YAF2: variants seen among roughly 807,000 people sequenced by gnomAD.
YAF2 encodes YY1 associated factor 2.
YAF2 carries 7 observed loss-of-function variants against 20.1 expected under a neutral mutation model. The observed-to-expected ratio is 0.35, with a 90% CI of 0.20 to 0.65. The LOEUF is 0.65. Among genes scored for constraint, YAF2 ranks in the 30% least tolerant of loss-of-function variants. The pLI is 0.69. For missense variants in YAF2, 151 were observed against 219.2 expected (o/e 0.69, Z 1.96); for synonymous variants, 74 against 76.0 (o/e 0.97, Z 0.14).
chr12:42,192,030 A>G (rs2066625420), intron 2 of YAF2, among the ~76,000 whole-genome samples: 1 of 151,982 alleles, frequency 6.6e-6, no homozygotes, highest in Non-Finnish European at 1.5e-5. Flanking sequence ...CAACAGAGCA[A>G]GACTCCATCT....
chr12:42,160,904 G>A (rs2065785433), intron 3 of YAF2, 78 bp from the exon 4 acceptor site: 2 of 1,294,838 alleles, frequency 1.5e-6, no homozygotes, highest in Admixed American at 2.4e-5. Context: ...TAATAAAAGT[G>A]GTAAAAGTAA....
intron 2 of YAF2, among the ~76,000 whole-genome samples, chr12:42,194,999 C>A (rs1421631861): frequency 2.0e-5 from 3 of 152,112 alleles, no homozygotes; most frequent in Admixed American, 6.5e-5. Flanking sequence ...CTTCTAAACT[C>A]CAATATTAGT....
intron 2 of YAF2, among the ~76,000 whole-genome samples, chr12:42,203,729 CT>C (rs2066963087): frequency 6.6e-6 from 1 of 152,024 alleles, no homozygotes; most frequent in Non-Finnish European, 1.5e-5. Flanking sequence ...ATTTTTATGT[CT>C]GTGTTCATAA....
intron 2 of YAF2, among the ~76,000 whole-genome samples, chr12:42,218,917 G>T (rs2067438294): frequency 1.3e-5 from 2 of 152,014 alleles, no homozygotes; most frequent in South Asian, 4.2e-4. Context: ...GGGCTTTCAA[G>T]AAAGAAAGCT....
At chr12:42,179,139 C>CT (rs1489431193) in intron 2 of YAF2, among the ~76,000 whole-genome samples, 5 of 152,302 alleles carry the variant, frequency 3.3e-5, no homozygotes, top group Non-Finnish European at 7.3e-5. Flanking sequence ...CCAGTATCCT[C>CT]TTATTTGTTT....
chr12:42,221,561 T>TA (rs201340047), intron 2 of YAF2, among the ~76,000 whole-genome samples: 3 of 152,072 alleles, frequency 2.0e-5, no homozygotes, highest in African/African-American at 7.2e-5. Context: ...TCTATCTCTT[T>TA]AAAAAAAATT....
At chr12:42,177,984 C>T (rs1020618385) in intron 2 of YAF2, among the ~76,000 whole-genome samples, 8 of 152,078 alleles carry the variant, frequency 5.3e-5, no homozygotes. Context: ...CTGTTTTCCT[C>T]TACCAGAATA....
At chr12:42,208,005 C>A (rs2067101821) in intron 2 of YAF2, among the ~76,000 whole-genome samples, 1 of 152,092 alleles carries the variant, frequency 6.6e-6, no homozygotes, top group Admixed American at 6.5e-5. Flanking sequence ...TAATATAAAC[C>A]ATAAAATCCT....
At chr12:42,226,570 G>C (rs1339959459) in intron 2 of YAF2, among the ~76,000 whole-genome samples, 3 of 152,150 alleles carry the variant, frequency 2.0e-5, no homozygotes, top group African/African-American at 2.4e-5. Context: ...AGGCTAAGGT[G>C]GGGGGACCAC....
Position 42,199,283 on chromosome 12 carries a change from A to G in YAF2, c.153-37518T>C, listed in dbSNP as rs180956937. 6 of 1,082,632 alleles carry G rather than the reference A, an allele frequency of 5.5e-6. No homozygotes were observed. The African/African-American group carries it at 9.9e-5, about 18-fold the overall frequency. 67.1% of individuals were successfully genotyped at this position (1,082,632 alleles called of 1,614,324 possible). Reference sequence around the variant, plus strand: ...AGAAAGAAACACTATGTACACATGGAACAGAATTTGACCAATAGTTTAAAT... The same window carrying G: ...AGAAAGAAACACTATGTACACATGGGACAGAATTTGACCAATAGTTTAAAT... On this transcript the variant is annotated intron_variant, in intron 2 of 3. Coordinates refer to ENST00000534854, the MANE Select transcript of YAF2 (RefSeq NM_005748.6).
intron 2 of YAF2, chr12:42,172,132 G>A (rs1290514747): frequency 2.0e-5 from 3 of 152,132 alleles, no homozygotes; most frequent in Non-Finnish European, 4.4e-5. Context: ...ACACAGTTAA[G>A]TACTTACAAA....
intron 2 of YAF2, among the ~76,000 whole-genome samples, chr12:42,184,082 T>C (rs1051745588): frequency 6.6e-6 from 1 of 152,252 alleles, no homozygotes; most frequent in African/African-American, 2.4e-5. Context: ...AGCTCACCGT[T>C]AAGACCTGAA....
intron 1 of YAF2, among the ~76,000 whole-genome samples, 185 bp downstream of exon 1, chr12:42,237,970 C>A (rs1249892279): frequency 6.7e-6 from 1 of 149,096 alleles, no homozygotes; most frequent in Non-Finnish European, 1.5e-5. Context: ...CGGTCGCCGC[C>A]GCCATCGCGG....
At chr12:42,195,462 T>C (rs1280752499) in intron 2 of YAF2, among the ~76,000 whole-genome samples, 1 of 152,186 alleles carries the variant, frequency 6.6e-6, no homozygotes, top group Admixed American at 6.5e-5. Flanking sequence ...AAGTAGATAC[T>C]GAAACAGGCC....
intron 2 of YAF2, chr12:42,231,819 C>T (rs2067992494): frequency 6.6e-6 from 1 of 152,192 alleles, no homozygotes; most frequent in South Asian, 2.1e-4. Flanking sequence ...TTCTAATTTT[C>T]ACTTGAATGA....
At chr12:42,217,540 A>T (rs1185200756) in intron 2 of YAF2, among the ~76,000 whole-genome samples, 1 of 152,208 alleles carries the variant, frequency 6.6e-6, no homozygotes, top group Non-Finnish European at 1.5e-5. Flanking sequence ...CATTTTTATC[A>T]GTACCTACAC....
intron 2 of YAF2, among the ~76,000 whole-genome samples, chr12:42,188,110 A>C (rs1272359517): frequency 1.3e-5 from 2 of 152,212 alleles, no homozygotes; most frequent in African/African-American, 2.4e-5. Flanking sequence ...ACTATGAGAA[A>C]ATAAATGTTT....
At chr12:42,234,813 C>T (rs1168425922) in intron 2 of YAF2, 1 of 769,466 alleles carries the variant, frequency 1.3e-6, no homozygotes, top group Non-Finnish European at 1.6e-6. Context: ...CATAGAGATC[C>T]CCCATCTCTA....
At chr12:42,215,633 C>T (rs2067331029) in intron 2 of YAF2, among the ~76,000 whole-genome samples, 1 of 151,940 alleles carries the variant, frequency 6.6e-6, no homozygotes, top group African/African-American at 2.4e-5. Flanking sequence ...TCAAAGCTAC[C>T]ATACAGTGGC....
Sources: gnomAD v4.1 joint callset for allele counts (sites outside exome capture counted in the v4.1 genomes callset) on GRCh38, gnomAD v4.1.1 for gene constraint, MANE v1.5 for transcripts, NCBI Gene and HGNC (gene_info 2026-07-23, HGNC 2026-07-21) for gene names.